CARMIL1: variants seen among roughly 807,000 people sequenced by gnomAD.
CARMIL1 encodes capping protein regulator and myosin 1 linker 1, also known as F-actin-uncapping protein LRRC16A.
In CARMIL1, 90 loss-of-function variants were observed where a neutral mutation model predicts 177.1. That is an observed-to-expected ratio of 0.51 (90% CI 0.43 to 0.61). The LOEUF (loss-of-function observed/expected upper bound fraction) is 0.61. CARMIL1 is among the 20% of genes least tolerant of loss of function. The pLI, the probability that CARMIL1 is intolerant of heterozygous loss-of-function variation, is 0.00. For synonymous variants in CARMIL1, 577 were observed against 606.2 expected, an observed-to-expected ratio of 0.95 and a Z score of 0.71; for missense variants, 1,380 against 1,667.0, an observed-to-expected ratio of 0.83 and a Z score of 3.00.
intron 13 of CARMIL1, 114 bp from the exon 14 acceptor site, chr6:25,491,618 A>G: frequency 3.3e-6 from 2 of 605,170 alleles, no homozygotes; most frequent in East Asian, 2.9e-5. Flanking sequence ...CCCCTTGGGA[A>G]GAGCAGAGAA....
intron 2 of CARMIL1, among the ~76,000 whole-genome samples, chr6:25,346,106 C>A (rs2690095): frequency 0.61 from 93,432 of 151,964 alleles, 29,143 homozygotes; most frequent in African/African-American, 0.7. Context: ...AGCCTTATCC[C>A]CTTCAGTCTG....
chr6:25,525,337 T>C (rs1372163001), intron 23 of CARMIL1, among the ~76,000 whole-genome samples: 1 of 152,136 alleles, frequency 6.6e-6, no homozygotes. Flanking sequence ...CTATTTAAAG[T>C]GTTGATGCAA....
At chr6:25,471,568 T>C (rs181540844) in intron 10 of CARMIL1, among the ~76,000 whole-genome samples, 32 of 152,316 alleles carry the variant, frequency 2.1e-4, no homozygotes, top group African/African-American at 7.5e-4. Flanking sequence ...CTCATTCTCT[T>C]CACTCTTAAA....
In CARMIL1 at chr6:25,529,838, A is replaced by C. The variant is rs186827670; in HGVS notation, c.2067+945A>C. Among the ~76,000 whole-genome samples the C allele has an allele frequency of 1.6e-4, 24 of 152,040 alleles. No homozygotes were observed. The East Asian group carries it at 4.0e-3, about 26-fold the overall frequency. ...CAGAGAATAAGAAACAATGCTTAAC[A>C]ATTAAAATTGTGATACTGTAGTACA... On this transcript the variant is annotated intron_variant, in intron 24 of 36. Coordinates refer to ENST00000329474, the MANE Select transcript of CARMIL1 (RefSeq NM_017640.6).
At chr6:25,428,789 A>G (rs1051828511) in intron 4 of CARMIL1, among the ~76,000 whole-genome samples, 12 of 152,154 alleles carry the variant, frequency 7.9e-5, no homozygotes, top group African/African-American at 2.2e-4. Flanking sequence ...ATGCTACTAT[A>G]AATTGTGTTA....
At chr6:25,370,580 C>T (rs1439227697) in intron 2 of CARMIL1, among the ~76,000 whole-genome samples, 3 of 152,070 alleles carry the variant, frequency 2.0e-5, no homozygotes, top group Non-Finnish European at 2.9e-5. Context: ...TGTACTGCCC[C>T]GACGGAGTCA....
chr6:25,618,537 T>C (rs1458121241), intron 36 of CARMIL1, among the ~76,000 whole-genome samples: 1 of 152,212 alleles, frequency 6.6e-6, no homozygotes, highest in Admixed American at 6.5e-5. Context: ...CAAGGTATCA[T>C]AGCAGTGAAG....
At position 25,619,483 on chromosome 6, in the gene CARMIL1, A is replaced by G. The variant is rs1014101010; in HGVS notation, c.4016A>G (p.Tyr1339Cys). ...RRSWGQQAQE[Y>C]QEQKQRSSSK... ...AGCTGGGGCCAGCAGGCCCAGGAGT[A>G]TCAAGAACAAAAGCAACGGTCCTCC... The change falls in exon 37 of 37, where the codon TAT becomes TGT. Residue 1339 changes from tyrosine to cysteine, a missense_variant. Transcript: ENST00000329474. 2.5e-6 allele frequency: 4 copies of G among 1,613,736 alleles called. No homozygotes were observed. The African/African-American group carries it at 5.3e-5, about 22-fold the overall frequency.
intron 2 of CARMIL1, among the ~76,000 whole-genome samples, chr6:25,394,015 A>G (rs1201188109): frequency 1.3e-5 from 2 of 152,076 alleles, no homozygotes; most frequent in Admixed American, 6.6e-5. Flanking sequence ...TTTCTTATGA[A>G]ATTTTTCTAA....
At position 25,498,435 on chromosome 6, in the gene CARMIL1, T is replaced by C. The variant is rs1803960963; in HGVS notation, c.1326-1731T>C. Among the ~76,000 whole-genome samples, 4 of 152,316 alleles carry C rather than the reference T, an allele frequency of 2.6e-5. No individual in the cohort carries two copies. In the South Asian group the frequency reaches 8.3e-4, roughly 32 times the overall value. ...TTTATTTTACTAGGGACAGTTTCTATGGGTTATTTATTTTTACTAGTCTCA... is the reference window on the plus strand; with the variant it reads ...TTTATTTTACTAGGGACAGTTTCTACGGGTTATTTATTTTTACTAGTCTCA... On this transcript the variant is annotated intron_variant, in intron 16 of 36. Coordinates refer to ENST00000329474, the MANE Select transcript of CARMIL1 (RefSeq NM_017640.6).
chr6:25,343,490 T>C (rs1316727939), intron 2 of CARMIL1, among the ~76,000 whole-genome samples: 1 of 152,042 alleles, frequency 6.6e-6, no homozygotes, highest in Non-Finnish European at 1.5e-5. Flanking sequence ...ACCTCTGTAC[T>C]CCCAGCCTCT....
chr6:25,439,437 C>T (rs1000603399), intron 5 of CARMIL1, among the ~76,000 whole-genome samples: 6 of 151,876 alleles, frequency 4.0e-5, no homozygotes, highest in Non-Finnish European at 8.8e-5. Context: ...GTAGAGGAGG[C>T]ATACTTGGAA....
At chr6:25,506,859 A>C (rs1804965519) in intron 17 of CARMIL1, among the ~76,000 whole-genome samples, 1 of 152,206 alleles carries the variant, frequency 6.6e-6, no homozygotes, top group South Asian at 2.1e-4. Context: ...AAAGTAAATT[A>C]TTAAAAGTTC....
intron 2 of CARMIL1, among the ~76,000 whole-genome samples, chr6:25,349,669 A>C (rs2150354280): frequency 6.7e-6 from 1 of 149,108 alleles, no homozygotes; most frequent in Admixed American, 6.7e-5. Flanking sequence ...GCGGCCCTTC[A>C]CCATGGGCAA....
intron 31 of CARMIL1, among the ~76,000 whole-genome samples, chr6:25,589,181 C>T (rs1357611911): frequency 2.0e-5 from 3 of 152,190 alleles, no homozygotes; most frequent in African/African-American, 7.2e-5. Context: ...CTGAAGCTGC[C>T]ATTTTCTTAA....
intron 1 of CARMIL1, among the ~76,000 whole-genome samples, chr6:25,281,958 T>C (rs937675261): frequency 1.3e-4 from 19 of 151,580 alleles, no homozygotes; most frequent in Non-Finnish European, 2.5e-4. Flanking sequence ...CTACTAAAAA[T>C]ACAAAAATTA....
chr6:25,367,212 T>C (rs78811054), intron 2 of CARMIL1, among the ~76,000 whole-genome samples: 12,508 of 152,290 alleles, frequency 0.082, 518 homozygotes, highest in East Asian at 0.14. Context: ...AAGGGGGATC[T>C]GTGATGTAAA....
At chr6:25,290,742 A>G (rs900822989) in intron 2 of CARMIL1, among the ~76,000 whole-genome samples, 3 of 152,060 alleles carry the variant, frequency 2.0e-5, no homozygotes, top group Non-Finnish European at 4.4e-5. Context: ...AAAACTGCCC[A>G]TCTGTTGTCC....
Position 25,606,134 on chromosome 6 carries a change from A to C in CARMIL1, c.3708A>C (p.Glu1236Asp), listed in dbSNP as rs774455730. 1 of 1,613,930 alleles carries C rather than the reference A, an allele frequency of 6.2e-7. No homozygotes were observed. Among genetic ancestry groups the C allele is most frequent in the African/African-American group, 1.3e-5 (1 of 75,026 alleles). ...CACCAGAAAAGAATACCAAAGCAGA[A>C]CCCAAAGCGGAAGCAGGCTCCAGGT... ...LGTPEKNTKA[E>D]PKAEAGSRSR... The change falls in exon 35 of 37, where the codon GAA becomes GAC. Residue 1236 changes from glutamate to aspartate, a missense_variant. Glu to Asp is a conservative substitution (Grantham distance 45). Transcript: ENST00000329474.
Sources: allele counts gnomAD v4.1 joint callset (sites outside exome capture counted in the v4.1 genomes callset), GRCh38; gene constraint gnomAD v4.1.1; transcripts MANE v1.5; gene names NCBI Gene and HGNC (gene_info 2026-07-23, HGNC 2026-07-21).